CCDC85A: variants seen among roughly 807,000 people sequenced by gnomAD.
CCDC85A encodes the protein coiled-coil domain containing 85A, also known as coiled-coil domain-containing protein 85A.
Under a neutral mutation model 50.2 loss-of-function variants are expected in CCDC85A, and 38 were observed. That is an observed-to-expected ratio of 0.76 (90% CI 0.58 to 0.99). The LOEUF is 0.99. Ranked by LOEUF, CCDC85A falls within the 50% of genes least tolerant of loss-of-function variation. The pLI, the probability that CCDC85A is intolerant of heterozygous loss-of-function variation, is 0.00. For synonymous variants in CCDC85A, 366 were observed against 301.4 expected (o/e 1.21, Z -2.22); for missense variants, 820 against 742.0 (o/e 1.11, Z -1.22).
At chr2:56,343,699 T>C (rs1341875125) in intron 3 of CCDC85A, among the ~76,000 whole-genome samples, 1 of 152,204 alleles carries the variant, frequency 6.6e-6, no homozygotes, top group Non-Finnish European at 1.5e-5. Context: ...TATTTTAATG[T>C]TTTATAACAA....
At chr2:56,204,734 G>A (rs1676892197) in intron 2 of CCDC85A, among the ~76,000 whole-genome samples, 1 of 152,148 alleles carries the variant, frequency 6.6e-6, no homozygotes, top group African/African-American at 2.4e-5. Flanking sequence ...GTGTGTAGGT[G>A]GAAAGTTCAC....
At chr2:56,257,529 C>T (rs13012528) in intron 2 of CCDC85A, among the ~76,000 whole-genome samples, 21,644 of 152,012 alleles carry the variant, frequency 0.14, 1,952 homozygotes, top group East Asian at 0.28. Context: ...TGGAGTCAAG[C>T]AGTCAAGCAA....
rs565477347 is a variant in CCDC85A at position 56,382,888 on chromosome 2, T to C, written c.1573-1378T>C. Reference sequence around the variant, plus strand: ...ACACATTCAAAGCATTCTGGATAGATGTAATTGTATTTAAGGGCTAGAAAA... The same window carrying C: ...ACACATTCAAAGCATTCTGGATAGACGTAATTGTATTTAAGGGCTAGAAAA... On this transcript the variant is annotated intron_variant, in intron 5 of 5. Coordinates refer to ENST00000407595, the MANE Select transcript of CCDC85A (RefSeq NM_001080433.2). Among the ~76,000 whole-genome samples the C allele has an allele frequency of 7.5e-4, 114 of 152,142 alleles. 3 individuals are homozygous for C. Among genetic ancestry groups the C allele is most frequent in the South Asian group, 3.7e-3 (18 of 4,826 alleles).
At chr2:56,300,922 C>T (rs1672172214) in intron 2 of CCDC85A, among the ~76,000 whole-genome samples, 1 of 152,096 alleles carries the variant, frequency 6.6e-6, no homozygotes, top group African/African-American at 2.4e-5. Context: ...ATTTATTTTT[C>T]CTACAAACAC....
rs77156822 is a variant in CCDC85A, at chr2:56,238,651, G to A, written c.1240+45211G>A. On this transcript the variant is annotated intron_variant, in intron 2 of 5. Transcript: ENST00000407595. ...TTATGAGGATGCTAGGTTAATTGGAGTGACTAAATTGTAAAATTTAAATTT... is the reference window on the plus strand; with the variant it reads ...TTATGAGGATGCTAGGTTAATTGGAATGACTAAATTGTAAAATTTAAATTT... Among the ~76,000 whole-genome samples the A allele has an allele frequency of 5.6e-3, 848 of 152,220 alleles. 5 individuals carry two copies. The highest frequency in any genetic ancestry group is 9.1e-3 in the Non-Finnish European group (616 of 68,012).
chr2:56,246,964 T>A (rs1669538563), intron 2 of CCDC85A, among the ~76,000 whole-genome samples: 2 of 152,226 alleles, frequency 1.3e-5, no homozygotes, highest in Non-Finnish European at 2.9e-5. Context: ...ATGTGTGAAG[T>A]TCTTGAAGGA....
At chr2:56,310,208 C>T (rs953604258) in intron 2 of CCDC85A, among the ~76,000 whole-genome samples, 6 of 152,222 alleles carry the variant, frequency 3.9e-5, no homozygotes, top group Middle Eastern at 3.4e-3. Context: ...ATGTCATGAC[C>T]GTGTTGACTG....
intron 2 of CCDC85A, among the ~76,000 whole-genome samples, chr2:56,240,967 G>C (rs752266841): frequency 1.2e-4 from 18 of 152,054 alleles, no homozygotes; most frequent in Non-Finnish European, 2.2e-4. Context: ...CAAATTGGAT[G>C]CACCATTTTA....
chr2:56,254,106 G>A (rs149496349), intron 2 of CCDC85A, among the ~76,000 whole-genome samples: 69 of 152,268 alleles, frequency 4.5e-4, no homozygotes, highest in African/African-American at 1.4e-3. Flanking sequence ...ATATATATGT[G>A]TTTCAATGCA....
intron 2 of CCDC85A, among the ~76,000 whole-genome samples, chr2:56,321,728 T>G (rs185097506): frequency 7.2e-4 from 109 of 152,310 alleles, no homozygotes; most frequent in East Asian, 6.4e-3. Context: ...CAAGGTAATT[T>G]CTAGATTCAA....
chr2:56,330,500 G>A (rs1353706965), intron 2 of CCDC85A, among the ~76,000 whole-genome samples: 1 of 152,148 alleles, frequency 6.6e-6, no homozygotes, highest in Non-Finnish European at 1.5e-5. Context: ...AATGATGAGG[G>A]CCTTCCTCCC....
At chr2:56,287,123 C>A (rs1243093972) in intron 2 of CCDC85A, among the ~76,000 whole-genome samples, 1 of 152,182 alleles carries the variant, frequency 6.6e-6, no homozygotes, top group African/African-American at 2.4e-5. Context: ...GTTCATCTCC[C>A]AGGCTTGCAG....
At chr2:56,305,604 G>A (rs1389381081) in intron 2 of CCDC85A, among the ~76,000 whole-genome samples, 2 of 152,230 alleles carry the variant, frequency 1.3e-5, no homozygotes, top group Non-Finnish European at 1.5e-5. Context: ...TCTATAATTT[G>A]TATATTTGCC....
chr2:56,240,006 T>G (rs1052275801), intron 2 of CCDC85A, among the ~76,000 whole-genome samples: 33 of 152,138 alleles, frequency 2.2e-4, no homozygotes, highest in Non-Finnish European at 5.9e-5. Flanking sequence ...TTTTCAAACT[T>G]GGGGTATAAT....
intron 2 of CCDC85A, among the ~76,000 whole-genome samples, chr2:56,325,758 T>G (rs565989857): frequency 3.5e-4 from 54 of 152,260 alleles, no homozygotes; most frequent in Middle Eastern, 3.4e-3. Flanking sequence ...GCTTGTGAAA[T>G]TTTTTGCACA....
chr2:56,228,338 T>TAAA (rs2103928404), intron 2 of CCDC85A, among the ~76,000 whole-genome samples: 2 of 150,964 alleles, frequency 1.3e-5, no homozygotes, highest in East Asian at 3.9e-4. Flanking sequence ...ATAATAATAA[T>TAAA]AATAATAAAA....
intron 2 of CCDC85A, among the ~76,000 whole-genome samples, chr2:56,260,860 G>T (rs1670187721): frequency 6.6e-6 from 1 of 152,152 alleles, no homozygotes; most frequent in African/African-American, 2.4e-5. Context: ...AGCCAGAATT[G>T]TCTCTCTATT....
At chr2:56,191,652 C>G (rs1162271796) in intron 1 of CCDC85A, among the ~76,000 whole-genome samples, 2 of 152,170 alleles carry the variant, frequency 1.3e-5, no homozygotes, top group African/African-American at 4.8e-5. Flanking sequence ...AACAGTGGAA[C>G]AGAAAGAGGG....
chr2:56,324,884 C>T (rs1468542159), intron 2 of CCDC85A, among the ~76,000 whole-genome samples: 3 of 152,046 alleles, frequency 2.0e-5, no homozygotes, highest in Admixed American at 1.3e-4. Context: ...ACAGTTCCTT[C>T]CCCATGGGAC....
Sources: allele counts gnomAD v4.1 joint callset (sites outside exome capture counted in the v4.1 genomes callset), GRCh38; gene constraint gnomAD v4.1.1; transcripts MANE v1.5; gene names NCBI Gene and HGNC (gene_info 2026-07-23, HGNC 2026-07-21).